Variants in PIRT observed in about 807,000 individuals in gnomAD.
PIRT encodes the protein phosphoinositide-interacting protein.
In PIRT, 6 loss-of-function variants were observed where a neutral mutation model predicts 7.9. The ratio of observed to expected loss-of-function variants is 0.76; its 90% CI spans 0.42 to 1.51. PIRT has a LOEUF of 1.51. PIRT is among the 40% of genes most tolerant of loss of function. The pLI is 0.01. For missense variants in PIRT, 170 were observed against 172.9 expected (o/e 0.98, Z 0.09); for synonymous variants, 78 against 71.8 (o/e 1.09, Z -0.44).
At chr17:10,837,457 T>A (rs1905619047) in intron 1 of PIRT, among the ~76,000 whole-genome samples, 1 of 152,214 alleles carries the variant, frequency 6.6e-6, no homozygotes, top group Non-Finnish European at 1.5e-5. Flanking sequence ...AGGAAGACAT[T>A]GGCAGCTGCA....
chr17:10,834,838 C>T (rs937852365), intron 1 of PIRT, among the ~76,000 whole-genome samples: 2 of 151,808 alleles, frequency 1.3e-5, no homozygotes, highest in African/African-American at 4.8e-5. Flanking sequence ...GATCTGCCTG[C>T]CTTGGCCTCC....
At chr17:10,836,048 G>T (rs548626740) in intron 1 of PIRT, among the ~76,000 whole-genome samples, 4 of 152,030 alleles carry the variant, frequency 2.6e-5, no homozygotes, top group African/African-American at 9.7e-5. Context: ...GATTACAGGT[G>T]CATGCCACCA....
chr17:10,833,725 G>T (rs1029330245), intron 1 of PIRT, among the ~76,000 whole-genome samples: 2 of 151,860 alleles, frequency 1.3e-5, no homozygotes, highest in Non-Finnish European at 2.9e-5. Context: ...CTGCACTCCA[G>T]CCTGGGCAAT....
At chr17:10,835,833 G>T (rs1905575199) in intron 1 of PIRT, among the ~76,000 whole-genome samples, 1 of 152,022 alleles carries the variant, frequency 6.6e-6, no homozygotes, top group Non-Finnish European at 1.5e-5. Flanking sequence ...GCTTTAGGAG[G>T]GTAATACTAT....
chr17:10,833,290 A>G (rs1489188685), intron 1 of PIRT, among the ~76,000 whole-genome samples: 1 of 152,230 alleles, frequency 6.6e-6, no homozygotes, highest in Non-Finnish European at 1.5e-5. Context: ...CCACAGGAGA[A>G]AAATCTTTGT....
intron 1 of PIRT, among the ~76,000 whole-genome samples, chr17:10,830,883 G>T (rs1439176806): frequency 6.6e-6 from 1 of 152,154 alleles, no homozygotes; most frequent in Admixed American, 6.5e-5. Context: ...TGTATTGTAG[G>T]ATAGTTAGCA....
Position 10,825,254 on chromosome 17 carries a change from T to G in PIRT, c.392A>C (p.Lys131Thr). 1 of 1,613,984 alleles carries G rather than the reference T, an allele frequency of 6.2e-7. No homozygotes were observed. The highest frequency in any genetic ancestry group is 8.5e-7 in the Non-Finnish European group (1 of 1,179,880). The change falls in exon 2 of 2, where the codon AAG becomes ACG. Residue 131 changes from lysine to threonine, a missense_variant. Coordinates refer to ENST00000580256, the MANE Select transcript of PIRT (RefSeq NM_001101387.2). The stretch of plus-strand genomic sequence containing the variant: ...CCATCAGCGAGTCAGGAAGAAGGAC[T>G]TGAGGCTGCGTAAGAAATTCGACTT... ...RQKSNFLRSL[K>T]SFFLTR is the part of the protein sequence containing the mutation.
At chr17:10,837,575 C>T (rs2151536978) in intron 1 of PIRT, among the ~76,000 whole-genome samples, 1 of 152,272 alleles carries the variant, frequency 6.6e-6, no homozygotes, top group East Asian at 1.9e-4. Flanking sequence ...TTTTTTGCTT[C>T]TTCCACTTAG....
chr17:10,832,215 G>A lies in PIRT; in HGVS notation c.-139+5730C>T, dbSNP rs529545049. Among the ~76,000 whole-genome samples, 66 of 151,290 alleles carry A rather than the reference G, an allele frequency of 4.4e-4. No individual in the cohort carries two copies. The South Asian group carries it at 8.1e-3, about 19-fold the overall frequency. On this transcript the variant is annotated intron_variant, in intron 1 of 1. Coordinates refer to ENST00000580256, the MANE Select transcript of PIRT (RefSeq NM_001101387.2). ...TTCTGATTCTTTTTTTTTTTGAGTCGGAGTTTTGCTCTTGTTGCCCAGGCT... is the reference window on the plus strand; with the variant it reads ...TTCTGATTCTTTTTTTTTTTGAGTCAGAGTTTTGCTCTTGTTGCCCAGGCT...
intron 1 of PIRT, among the ~76,000 whole-genome samples, chr17:10,828,615 T>C (rs1905388670): frequency 6.6e-6 from 1 of 152,170 alleles, no homozygotes; most frequent in Non-Finnish European, 1.5e-5. Context: ...ATGTAACATG[T>C]ATCAGGGCTT....
chr17:10,831,506 T>C (rs1905461560), intron 1 of PIRT, among the ~76,000 whole-genome samples: 1 of 151,822 alleles, frequency 6.6e-6, no homozygotes, highest in Admixed American at 6.6e-5. Context: ...AGAGGAGAGA[T>C]GGAAGGAATG....
Position 10,825,478 on chromosome 17 carries a change from G to A in PIRT, c.168C>T (p.Ile56=), listed in dbSNP as rs761851233. The A allele has an allele frequency of 2.5e-6, 4 of 1,613,806 alleles. No individual in the cohort carries two copies. Among genetic ancestry groups the A allele is most frequent in the Non-Finnish European group, 3.4e-6 (4 of 1,179,882 alleles). The part of the protein sequence containing the change: ...RSNWEIYRKP[I]VIMSVGGAIL... Reference sequence around the variant, plus strand: ...TGGCACCGCCCACTGACATGATAACGATGGGCTTGCGGTAGATTTCCCAGT... The same window carrying A: ...TGGCACCGCCCACTGACATGATAACAATGGGCTTGCGGTAGATTTCCCAGT... The change falls in exon 2 of 2, where the codon ATC becomes ATT. Residue 56 remains isoleucine, a synonymous_variant. Coordinates refer to ENST00000580256, the MANE Select transcript of PIRT (RefSeq NM_001101387.2).
rs1050451846 is a variant in PIRT at position 10,833,947 on chromosome 17, A to T, written c.-139+3998T>A. ...GAGACATCACCACACATGCACTACAATAGATAAAATGGGAAAATCTCACAA... is the reference window on the plus strand; with the variant it reads ...GAGACATCACCACACATGCACTACATTAGATAAAATGGGAAAATCTCACAA... On this transcript the variant is annotated intron_variant, in intron 1 of 1. Coordinates refer to ENST00000580256, the MANE Select transcript of PIRT (RefSeq NM_001101387.2). Among the ~76,000 whole-genome samples, 3 of 152,314 alleles carry T rather than the reference A, an allele frequency of 2.0e-5. No homozygotes were observed. In the East Asian group the frequency reaches 5.8e-4, roughly 29 times the overall value.
chr17:10,825,494 A>T lies in PIRT; in HGVS notation c.152T>A (p.Ile51Asn). 1 of 1,613,880 alleles carries T rather than the reference A, an allele frequency of 6.2e-7. No individual in the cohort carries two copies. Among genetic ancestry groups the T allele is most frequent in the South Asian group, 1.1e-5 (1 of 91,068 alleles). Residue 51 changes from isoleucine (I) to asparagine (N), a missense_variant, in exon 2 of 2, where the codon ATC becomes AAC. Transcript: ENST00000580256. ...WTTTPRSNWE[I>N]YRKPIVIMSV... Reference sequence around the variant, plus strand: ...CATGATAACGATGGGCTTGCGGTAGATTTCCCAGTTACTCCTGGGGGTGGT... The same window carrying T: ...CATGATAACGATGGGCTTGCGGTAGTTTTCCCAGTTACTCCTGGGGGTGGT...
At chr17:10,826,132 T>C (rs1255586604) in intron 1 of PIRT, among the ~76,000 whole-genome samples, 9 of 152,216 alleles carry the variant, frequency 5.9e-5, no homozygotes, top group Non-Finnish European at 7.4e-5. Flanking sequence ...CCTGGCTAAT[T>C]TGTGTATTCT....
At chr17:10,827,465 C>CTTTTCTTTTTTTTTTTTT (rs1905353956) in intron 1 of PIRT, among the ~76,000 whole-genome samples, 1 of 56,302 alleles carries the variant, frequency 1.8e-5, no homozygotes, top group African/African-American at 7.5e-5. Flanking sequence ...TTTTTCTTTT[C>CTTTTCTTTTTTTTTTTTT]TTTTTTTTTT....
At chr17:10,837,910 G>A (rs73289655) in intron 1 of PIRT, 35 bp downstream of exon 1, 10,178 of 152,300 alleles carry the variant, frequency 0.067, 1,001 homozygotes, top group African/African-American at 0.22. Context: ...CGAGATGGAA[G>A]GAAGGGCAGA....
intron 1 of PIRT, among the ~76,000 whole-genome samples, chr17:10,836,377 T>G (rs773189057): frequency 6.6e-6 from 1 of 152,110 alleles, no homozygotes; most frequent in African/African-American, 2.4e-5. Flanking sequence ...TGAAATACAG[T>G]TGGTATTAAG....
intron 1 of PIRT, among the ~76,000 whole-genome samples, chr17:10,828,496 G>T (rs1905385670): frequency 6.6e-6 from 1 of 152,148 alleles, no homozygotes; most frequent in Non-Finnish European, 1.5e-5. Context: ...TTATGAGTGG[G>T]ATGTGGGAGA....
Sources: gnomAD v4.1 joint callset for allele counts (sites outside exome capture counted in the v4.1 genomes callset) on GRCh38, gnomAD v4.1.1 for gene constraint, MANE v1.5 for transcripts, NCBI Gene and HGNC (gene_info 2026-07-23, HGNC 2026-07-21) for gene names.